IPO11: variants seen among roughly 807,000 people sequenced by gnomAD.
The protein encoded by IPO11 is importin-11.
In IPO11, 66 loss-of-function variants were observed where a neutral mutation model predicts 143.2. That is an observed-to-expected ratio of 0.46 (90% CI 0.38 to 0.57). The LOEUF is 0.57. Ranked by LOEUF, IPO11 falls within the 20% of genes least tolerant of loss-of-function variation. The pLI is 0.00. For missense variants in IPO11, 1,026 were observed against 1,141.0 expected, an observed-to-expected ratio of 0.90 and a Z score of 1.45; for synonymous variants, 385 against 377.8, an observed-to-expected ratio of 1.02 and a Z score of -0.22.
At chr5:62,610,043 G>A (rs1303660250) in intron 29 of IPO11, among the ~76,000 whole-genome samples, 1 of 152,182 alleles carries the variant, frequency 6.6e-6, no homozygotes, top group African/African-American at 2.4e-5. Context: ...CAGCAGTCAT[G>A]GGTGAGGCAA....
intron 27 of IPO11, chr5:62,579,082 A>G (rs923457045): frequency 2.6e-5 from 7 of 271,178 alleles, no homozygotes; most frequent in African/African-American, 1.6e-4. Context: ...ATGTTGTTAA[A>G]GGGACATATT....
At chr5:62,499,517 A>G (rs899930211) in intron 16 of IPO11, among the ~76,000 whole-genome samples, 11 of 150,348 alleles carry the variant, frequency 7.3e-5, no homozygotes, top group South Asian at 4.2e-4. Flanking sequence ...TACACTAAAT[A>G]TATTGGGAAA....
chr5:62,530,315 G>A (rs2112312405), intron 21 of IPO11, among the ~76,000 whole-genome samples: 1 of 152,272 alleles, frequency 6.6e-6, no homozygotes, highest in East Asian at 1.9e-4. Context: ...CCCGCAGTCA[G>A]CCCTGCGGAA....
At chr5:62,501,028 G>T (rs1741327658) in intron 16 of IPO11, among the ~76,000 whole-genome samples, 1 of 152,198 alleles carries the variant, frequency 6.6e-6, no homozygotes, top group Non-Finnish European at 1.5e-5. Flanking sequence ...AAAATGGAAA[G>T]TTACTAGGTG....
intron 18 of IPO11, 25 bp downstream of exon 18, chr5:62,504,923 T>C (rs1431370301): frequency 1.4e-6 from 2 of 1,412,470 alleles, no homozygotes; most frequent in African/African-American, 2.9e-5. Context: ...TTCCAGGTAT[T>C]TTTTTTAAAA....
At chr5:62,561,071 A>G in intron 26 of IPO11, 65 bp from the exon 27 acceptor site, 1 of 1,425,058 alleles carries the variant, frequency 7.0e-7, no homozygotes, top group Non-Finnish European at 9.5e-7. Flanking sequence ...TTAGCCTTTA[A>G]AAGTATTTAC....
intron 20 of IPO11, among the ~76,000 whole-genome samples, chr5:62,525,050 T>G (rs747177149): frequency 3.6e-4 from 55 of 152,202 alleles, no homozygotes; most frequent in Non-Finnish European, 5.6e-4. Context: ...AGATCGAAAC[T>G]TCTCTTCTTC....
chr5:62,598,010 A>T (rs1344851292), intron 28 of IPO11, among the ~76,000 whole-genome samples: 1 of 152,178 alleles, frequency 6.6e-6, no homozygotes, highest in Non-Finnish European at 1.5e-5. Flanking sequence ...TAGGCATTAC[A>T]GTTCATGACA....
Position 62,487,755 on chromosome 5 carries a change from A to AT in IPO11, c.1219-11dup, listed in dbSNP as rs773393703. 1 of 1,539,708 alleles carries AT rather than the reference A, an allele frequency of 6.5e-7. No homozygotes were observed. Among genetic ancestry groups the AT allele is most frequent in the South Asian group, 1.3e-5 (1 of 76,544 alleles). On this transcript the variant is annotated splice_polypyrimidine_tract_variant and intron_variant, in intron 12 of 29. Transcript: ENST00000325324. ...GCAACTGTTTTGATGAGAAATTTGT[A>AT]TTTTTCCCTCTCCAGCCATGCACTG...
At chr5:62,516,861 A>G (rs1580273894) in intron 20 of IPO11, among the ~76,000 whole-genome samples, 1 of 151,966 alleles carries the variant, frequency 6.6e-6, no homozygotes, top group African/African-American at 2.4e-5. Flanking sequence ...AAGCTATATC[A>G]TTAAACAAAA....
At chr5:62,443,778 C>T (rs748029793) in intron 3 of IPO11, among the ~76,000 whole-genome samples, 14 of 152,072 alleles carry the variant, frequency 9.2e-5, no homozygotes, top group Non-Finnish European at 1.6e-4. Flanking sequence ...GTTATAACTG[C>T]TATGTACGTG....
chr5:62,599,131 A>G (rs1344352401), intron 28 of IPO11, among the ~76,000 whole-genome samples: 1 of 152,104 alleles, frequency 6.6e-6, no homozygotes, highest in Non-Finnish European at 1.5e-5. Flanking sequence ...ATTAGACACT[A>G]TGGGAGTGGG....
At chr5:62,452,726 GTGTGT>G (rs1744984060) in intron 5 of IPO11, among the ~76,000 whole-genome samples, 66 of 12,932 alleles carry the variant, frequency 5.1e-3, no homozygotes, top group South Asian at 0.036. Context: ...TTGGTGGGGT[GTGTGT>G]GTGTGTGTGT....
At chr5:62,597,110 T>G (rs904758418) in intron 28 of IPO11, among the ~76,000 whole-genome samples, 6 of 152,206 alleles carry the variant, frequency 3.9e-5, no homozygotes, top group Middle Eastern at 3.2e-3. Flanking sequence ...GTAAGAGGAT[T>G]TGAGACAGTG....
intron 1 of IPO11, among the ~76,000 whole-genome samples, chr5:62,423,579 A>G (rs1374402735): frequency 1.3e-5 from 2 of 152,170 alleles, no homozygotes; most frequent in Non-Finnish European, 2.9e-5. Context: ...CGGCCATTTT[A>G]AAAAGCATAC....
At position 62,526,227 on chromosome 5, in the gene IPO11, T is replaced by C; in HGVS notation, c.1982T>C (p.Val661Ala). 1 of 1,612,890 alleles carries C rather than the reference T, an allele frequency of 6.2e-7. No individual in the cohort carries two copies. The change falls in exon 21 of 30, where the codon GTT (valine) becomes GCT (alanine). Residue 661 changes from valine to alanine, a missense_variant. By Grantham distance (64) the Val-to-Ala change is moderately conservative. Coordinates refer to ENST00000325324, the MANE Select transcript of IPO11 (RefSeq NM_016338.5). ...ACAGATGTTTCACAGCCTCCACATGTTTATCTTCTGGAAGATGGTTTAGAA... is the reference window on the plus strand; with the variant it reads ...ACAGATGTTTCACAGCCTCCACATGCTTATCTTCTGGAAGATGGTTTAGAA... ...LSTDVSQPPH[V>A]YLLEDGLELW...
At chr5:62,413,488 A>G (rs1196181049) in intron 1 of IPO11, 1 of 152,080 alleles carries the variant, frequency 6.6e-6, no homozygotes, top group Non-Finnish European at 1.5e-5. Context: ...GTAGATTTAT[A>G]TTTGGGGGTA....
chr5:62,552,373 A>G (rs570373004), intron 26 of IPO11, among the ~76,000 whole-genome samples: 1 of 152,160 alleles, frequency 6.6e-6, no homozygotes, highest in African/African-American at 2.4e-5. Flanking sequence ...GAATTAGACT[A>G]ATCTAATTAG....
In IPO11 at chr5:62,627,460, A is replaced by G; in HGVS notation, c.*142A>G. The stretch of plus-strand genomic sequence containing the variant: ...CCACACATTTTTTACTACAAAATGT[A>G]AAGGATAAATGTAAATCCTGCATAA... On this transcript the variant is annotated 3_prime_UTR_variant, in exon 30 of 30. Coordinates refer to ENST00000325324, the MANE Select transcript of IPO11 (RefSeq NM_016338.5). The G allele has an allele frequency of 1.3e-6, 1 of 745,436 alleles. No individual in the cohort carries two copies. Among genetic ancestry groups the G allele is most frequent in the Non-Finnish European group, 2.1e-6 (1 of 468,180 alleles). 46.2% of individuals were successfully genotyped at this position (745,436 alleles called of 1,614,324 possible). A position where few individuals can be genotyped will look rare whatever the true frequency, so the allele number is the denominator to read the frequency against.
Sources: gnomAD v4.1 joint callset for allele counts (sites outside exome capture counted in the v4.1 genomes callset) on GRCh38, gnomAD v4.1.1 for gene constraint, MANE v1.5 for transcripts, NCBI Gene and HGNC (gene_info 2026-07-23, HGNC 2026-07-21) for gene names.